The following OCA2 variants were observed in gnomAD, a reference collection of about 807,000 sequenced individuals.
OCA2 encodes the protein OCA2 melanosomal transmembrane protein.
Under a neutral mutation model 100.2 loss-of-function variants are expected in OCA2, and 77 were observed. The ratio of observed to expected loss-of-function variants is 0.77; its 90% CI spans 0.64 to 0.93. OCA2 has a LOEUF of 0.93. OCA2 is among the 40% of genes least tolerant of loss of function. The pLI, the probability that OCA2 is intolerant of heterozygous loss-of-function variation, is 0.00. For synonymous variants in OCA2, 432 were observed against 439.2 expected (o/e 0.98, Z 0.21); for missense variants, 1,062 against 1,089.1 (o/e 0.98, Z 0.35).
intron 11 of OCA2, among the ~76,000 whole-genome samples, chr15:27,987,198 C>G (rs1395999701): frequency 3.9e-5 from 6 of 152,166 alleles, no homozygotes; most frequent in Non-Finnish European, 8.8e-5. Flanking sequence ...GAATGCCTAT[C>G]ACCTGTTTCT....
At position 27,905,355 on chromosome 15, in the gene OCA2, G is replaced by A. The variant is rs375430706; in HGVS notation, c.2079+20772C>T. Among the ~76,000 whole-genome samples, 26 of 152,288 alleles carry A rather than the reference G, an allele frequency of 1.7e-4. No individual in the cohort carries two copies. In the South Asian group the frequency reaches 4.8e-3, roughly 28 times the overall value. Reference sequence around the variant, plus strand: ...AAGTGTAAAATATCTGAACTGAAAAGAGAAAAGTGAAAATACCACCAAACC... The same window carrying A: ...AAGTGTAAAATATCTGAACTGAAAAAAGAAAAGTGAAAATACCACCAAACC... On this transcript the variant is annotated intron_variant, in intron 19 of 23. Coordinates refer to ENST00000354638, the MANE Select transcript of OCA2 (RefSeq NM_000275.3).
intron 19 of OCA2, among the ~76,000 whole-genome samples, chr15:27,880,984 T>G (rs2036989479): frequency 1.3e-5 from 2 of 152,226 alleles, no homozygotes; most frequent in African/African-American, 4.8e-5. Flanking sequence ...AGTATGATAC[T>G]GGCTGTGGGT....
At chr15:27,756,286 T>G (rs1004165351) in intron 23 of OCA2, among the ~76,000 whole-genome samples, 1 of 152,192 alleles carries the variant, frequency 6.6e-6, no homozygotes, top group Non-Finnish European at 1.5e-5. Context: ...TATAAAGACA[T>G]TCTCTCTTCC....
intron 19 of OCA2, among the ~76,000 whole-genome samples, chr15:27,900,389 C>A (rs2037880615): frequency 6.6e-6 from 1 of 152,178 alleles, no homozygotes; most frequent in East Asian, 1.9e-4. Context: ...TACTGGGAGC[C>A]TCCCTAGTGC....
chr15:27,847,417 C>T (rs1213071150), intron 22 of OCA2, among the ~76,000 whole-genome samples: 4 of 152,348 alleles, frequency 2.6e-5, no homozygotes, highest in South Asian at 2.1e-4. Flanking sequence ...GGCACCAACA[C>T]ATTTTGATGA....
At chr15:27,910,907 G>A (rs2140255086) in intron 19 of OCA2, among the ~76,000 whole-genome samples, 1 of 151,800 alleles carries the variant, frequency 6.6e-6, no homozygotes, top group South Asian at 2.1e-4. Context: ...AGTGAGCCGA[G>A]ATCATGCCAC....
intron 2 of OCA2, among the ~76,000 whole-genome samples, chr15:28,072,124 T>C (rs917484920): frequency 6.6e-6 from 1 of 152,144 alleles, no homozygotes; most frequent in South Asian, 2.1e-4. Flanking sequence ...TCCCAGCACT[T>C]TGGGAGGCCG....
chr15:27,743,065 C>T, the OCA2 span, among the ~76,000 whole-genome samples: 4 of 152,338 alleles, frequency 2.6e-5, no homozygotes, highest in African/African-American at 4.8e-5. Flanking sequence ...GCTGCCTCTG[C>T]GATCCTGCTG....
chr15:28,046,804 T>C (rs142819874), intron 2 of OCA2, among the ~76,000 whole-genome samples: 216 of 152,310 alleles, frequency 1.4e-3, no homozygotes, highest in Non-Finnish European at 1.9e-3. Flanking sequence ...GGTTATTCCT[T>C]TTATAGAGGC....
intron 21 of OCA2, among the ~76,000 whole-genome samples, chr15:27,859,888 A>G (rs1412938812): frequency 6.6e-6 from 1 of 152,156 alleles, no homozygotes; most frequent in Non-Finnish European, 1.5e-5. Flanking sequence ...TCAGGAAACA[A>G]AATATAAAAT....
chr15:27,743,661 C>T, the OCA2 span, among the ~76,000 whole-genome samples: 1 of 152,198 alleles, frequency 6.6e-6, no homozygotes, highest in Non-Finnish European at 1.5e-5. Flanking sequence ...TAAATGCCTG[C>T]TGTCCTTACA....
intron 19 of OCA2, among the ~76,000 whole-genome samples, chr15:27,901,951 C>T (rs946068564): frequency 6.6e-6 from 1 of 152,106 alleles, no homozygotes; most frequent in African/African-American, 2.4e-5. Context: ...GGTTGCCCAC[C>T]CAGAGCCACT....
chr15:27,985,096 G>A lies in OCA2; in HGVS notation c.1332C>T (p.Thr444=). Reference sequence around the variant, plus strand: ...TCACAGGCGTGAAGAGGAGCATGGTGGTGACGTTGTCCAAGAAGGCAGAGA... The same window carrying A: ...TCACAGGCGTGAAGAGGAGCATGGTAGTGACGTTGTCCAAGAAGGCAGAGA... The part of the protein sequence containing the change: ...AVLSAFLDNV[T]TMLLFTPVTI... Residue 444 remains threonine, a synonymous_variant, in exon 13 of 24, where the codon ACC becomes ACT. Transcript: ENST00000354638. 1 of 1,614,014 alleles carries A rather than the reference G, an allele frequency of 6.2e-7. No individual in the cohort carries two copies. Among genetic ancestry groups the A allele is most frequent in the Non-Finnish European group, 8.5e-7 (1 of 1,179,944 alleles).
Position 27,871,170 on chromosome 15 carries a change from G to C in OCA2, c.2228C>G (p.Pro743Arg). ...GCAACTCACCATGGTAGCAGTGAACGGGATGTTGTCAATCAGGGACGACGC... is the reference window on the plus strand; with the variant it reads ...GCAACTCACCATGGTAGCAGTGAACCGGATGTTGTCAATCAGGGACGACGC... The part of the protein sequence containing the change: ...ALASSLIDNI[P>R]FTATMIPVLL... Residue 743 changes from proline to arginine, a missense_variant, in exon 21 of 24, where the codon CCG (proline) becomes CGG (arginine). By Grantham distance (103) the Pro-to-Arg change is moderately radical. Coordinates refer to ENST00000354638, the MANE Select transcript of OCA2 (RefSeq NM_000275.3). The C allele has an allele frequency of 6.2e-7, 1 of 1,613,708 alleles. No homozygotes were observed. Among genetic ancestry groups the C allele is most frequent in the Admixed American group, 1.7e-5 (1 of 60,012 alleles).
At chr15:27,743,243 A>G in the OCA2 span, among the ~76,000 whole-genome samples, 2 of 152,150 alleles carry the variant, frequency 1.3e-5, no homozygotes, top group African/African-American at 4.8e-5. Context: ...TCTGAATGGC[A>G]CGCATCCCAG....
At chr15:28,036,008 C>T (rs1221719136) in intron 2 of OCA2, among the ~76,000 whole-genome samples, 1 of 152,140 alleles carries the variant, frequency 6.6e-6, no homozygotes, top group Admixed American at 6.5e-5. Flanking sequence ...GACACACATT[C>T]ACACATATAC....
chr15:27,816,882 C>T (rs1413184484), intron 23 of OCA2, among the ~76,000 whole-genome samples: 1 of 152,142 alleles, frequency 6.6e-6, no homozygotes, highest in Non-Finnish European at 1.5e-5. Flanking sequence ...CCCACCACCC[C>T]TCACTGCCCT....
At chr15:27,929,825 A>AAATTTTTTTTTTTTTTTTTTT (rs71132826) in intron 18 of OCA2, among the ~76,000 whole-genome samples, 59 of 149,170 alleles carry the variant, frequency 4.0e-4, no homozygotes, top group East Asian at 5.9e-4. Context: ...CAAATGGGAA[A>AAATTTTTTTTTTTTTTTTTTT]TATTTTAAAC....
At position 27,836,514 on chromosome 15, in the gene OCA2, A is replaced by G. The variant is rs573648683; in HGVS notation, c.2432+8445T>C. 8.5e-5 allele frequency among the ~76,000 whole-genome samples: 13 copies of G among 152,320 alleles called. No homozygotes were observed. The South Asian group carries it at 1.4e-3, about 17-fold the overall frequency. On this transcript the variant is annotated intron_variant, in intron 23 of 23. Transcript: ENST00000354638. ...TACGTTCAGAAAATATTGATCTCAC[A>G]TTCATGATTTTTAACCCTCAGGGGA...
Sources: allele counts gnomAD v4.1 joint callset (sites outside exome capture counted in the v4.1 genomes callset), GRCh38; gene constraint gnomAD v4.1.1; transcripts MANE v1.5; gene names NCBI Gene and HGNC (gene_info 2026-07-23, HGNC 2026-07-21).